Variants in CPXM2 observed in about 807,000 individuals in gnomAD.
The protein encoded by CPXM2 is carboxypeptidase X, M14 family member 2, also known as inactive carboxypeptidase-like protein X2.
In CPXM2, 66 loss-of-function variants were observed where a neutral mutation model predicts 86.1. The ratio of observed to expected loss-of-function variants is 0.77; its 90% confidence interval spans 0.63 to 0.94. CPXM2 has a LOEUF of 0.94. CPXM2 is among the 40% of genes least tolerant of loss of function. CPXM2 has a pLI of 0.00. For missense variants in CPXM2, 948 were observed against 1,026.3 expected, an observed-to-expected ratio of 0.92 and a Z score of 1.04; for synonymous variants, 388 against 400.2, an observed-to-expected ratio of 0.97 and a Z score of 0.36.
intron 4 of CPXM2, among the ~76,000 whole-genome samples, chr10:123,810,650 T>C (rs191864414): frequency 6.6e-6 from 1 of 152,246 alleles, no homozygotes; most frequent in African/African-American, 2.4e-5. Context: ...AAGATATTTA[T>C]GGAGGAAACT....
At chr10:123,768,034 C>T (rs560755895) in intron 9 of CPXM2, among the ~76,000 whole-genome samples, 26 of 152,324 alleles carry the variant, frequency 1.7e-4, no homozygotes, top group African/African-American at 6.0e-4. Flanking sequence ...TTCTCAATGC[C>T]TGCTTTGCAC....
At chr10:123,874,891 A>C (rs1309316107) in intron 2 of CPXM2, among the ~76,000 whole-genome samples, 1 of 152,180 alleles carries the variant, frequency 6.6e-6, no homozygotes, top group Non-Finnish European at 1.5e-5. Context: ...ATTTCATGCC[A>C]CCTATGGGTG....
chr10:123,856,327 G>A (rs1245866493), intron 3 of CPXM2, among the ~76,000 whole-genome samples: 1 of 152,182 alleles, frequency 6.6e-6, no homozygotes, highest in East Asian at 1.9e-4. Context: ...GCTTACTACT[G>A]CAATCTGTTT....
At chr10:123,786,376 A>C (rs1847055790) in intron 6 of CPXM2, among the ~76,000 whole-genome samples, 1 of 152,114 alleles carries the variant, frequency 6.6e-6, no homozygotes, top group South Asian at 2.1e-4. Context: ...TATGTGAGAG[A>C]GAGAATGAGA....
Position 123,768,520 on chromosome 10 carries a change from C to T in CPXM2, c.1299+6G>A. On this transcript the variant is annotated splice_donor_region_variant and intron_variant, in intron 9 of 13. Transcript: ENST00000241305. Reference sequence around the variant, plus strand: ...CCTATTGGGTGAGATGGGCCAGGGCCATTACCCCTTCGTAGGCCTTCTCGT... The same window carrying T: ...CCTATTGGGTGAGATGGGCCAGGGCTATTACCCCTTCGTAGGCCTTCTCGT... 2.5e-6 allele frequency: 4 copies of T among 1,609,680 alleles called. 1 individual carries two copies. In the South Asian group the frequency reaches 4.4e-5, roughly 18 times the overall value.
intron 6 of CPXM2, among the ~76,000 whole-genome samples, chr10:123,782,005 A>C (rs953394603): frequency 2.6e-5 from 4 of 152,222 alleles, no homozygotes; most frequent in Non-Finnish European, 5.9e-5. Context: ...TTTAATATTC[A>C]CAAACGGCTT....
rs1846916181 is a variant in CPXM2, at chr10:123,780,760, C to T, written c.890-505G>A. Among the ~76,000 whole-genome samples, 3 of 143,346 alleles carry T rather than the reference C, an allele frequency of 2.1e-5. No homozygotes were observed. The South Asian group carries it at 6.5e-4, about 31-fold the overall frequency. The allele number at this position is 143,346 out of a possible 152,430, so 94.0% of individuals were successfully genotyped here. On this transcript the variant is annotated intron_variant, in intron 6 of 13. Coordinates refer to ENST00000241305, the MANE Select transcript of CPXM2 (RefSeq NM_198148.3). ...CCCTTCCTTCCTTCCTTCCTTCCTTCCTAAAAAAGTCCTATGTTTGGGAAT... is the reference window on the plus strand; with the variant it reads ...CCCTTCCTTCCTTCCTTCCTTCCTTTCTAAAAAAGTCCTATGTTTGGGAAT...
chr10:123,836,543 G>C (rs1590051253), intron 4 of CPXM2, among the ~76,000 whole-genome samples: 1 of 152,152 alleles, frequency 6.6e-6, no homozygotes, highest in African/African-American at 2.4e-5. Context: ...CAAAAGAACA[G>C]TGACAATTCC....
chr10:123,865,619 G>A lies in CPXM2; in HGVS notation c.404-2896C>T, dbSNP rs116478153. Among the ~76,000 whole-genome samples the A allele has an allele frequency of 4.1e-3, 619 of 152,316 alleles. 3 individuals are homozygous for A. Among genetic ancestry groups the A allele is most frequent in the African/African-American group, 0.014 (591 of 41,566 alleles). On this transcript the variant is annotated intron_variant, in intron 2 of 13. Coordinates refer to ENST00000241305, the MANE Select transcript of CPXM2 (RefSeq NM_198148.3). The surrounding 1 kb of genome is among the most constrained non-coding windows in gnomAD (Gnocchi z 4.7). ...TCACGCATGCCTCCAGAGAGGGCCT[G>A]ACTCACCTGGTCCCCTGGCTGCCCA... is the stretch of plus-strand genomic sequence containing the variant.
intron 3 of CPXM2, among the ~76,000 whole-genome samples, chr10:123,849,470 C>T (rs1458696155): frequency 3.7e-5 from 4 of 108,320 alleles, no homozygotes; most frequent in Admixed American, 2.4e-4. Flanking sequence ...GATGGAGTTT[C>T]GCTCTTGTTG....
upstream of CPXM2, among the ~76,000 whole-genome samples, chr10:123,941,807 C>T (rs1333275601): frequency 6.6e-6 from 1 of 152,172 alleles, no homozygotes; most frequent in Non-Finnish European, 1.5e-5. Context: ...CTGGTTCTCT[C>T]GTTCACCTTG....
chr10:123,915,384 C>A (rs1026156198), intron 2 of CPXM2, among the ~76,000 whole-genome samples: 2 of 152,090 alleles, frequency 1.3e-5, no homozygotes, highest in African/African-American at 4.8e-5. Context: ...ATGGCGAAAC[C>A]CTATCGCTAC....
At position 123,745,642 on chromosome 10, in the gene CPXM2, C is replaced by A. The variant is rs543965121; in HGVS notation, c.*1122G>T. The stretch of plus-strand genomic sequence containing the variant: ...GAAAAGTCACACACACCAGAAGGGT[C>A]TTACCATTTGCTTTATTTTTTTTTT... On this transcript the variant is annotated 3_prime_UTR_variant, in exon 14 of 14. Coordinates refer to ENST00000241305, the MANE Select transcript of CPXM2 (RefSeq NM_198148.3). 2 of 151,586 alleles carry A rather than the reference C, an allele frequency of 1.3e-5. No individual in the cohort carries two copies. Among genetic ancestry groups the A allele is most frequent in the Non-Finnish European group, 2.9e-5 (2 of 67,912 alleles). The allele number at this position is 151,586 out of a possible 1,614,324, so 9.4% of individuals were successfully genotyped here. A position where few individuals can be genotyped will look rare whatever the true frequency, so the allele number is the denominator to read the frequency against.
intron 2 of CPXM2, among the ~76,000 whole-genome samples, chr10:123,900,229 A>G (rs1945370131): frequency 6.6e-6 from 1 of 152,268 alleles, no homozygotes; most frequent in South Asian, 2.1e-4. Context: ...TTTAGTAGGG[A>G]AGGGGTTTCA....
rs1286103440 is a variant in CPXM2 at position 123,865,726 on chromosome 10, A to T, written c.404-3003T>A. On this transcript the variant is annotated intron_variant, in intron 2 of 13. Coordinates refer to ENST00000241305, the MANE Select transcript of CPXM2 (RefSeq NM_198148.3). The surrounding 1 kb of genome is among the most constrained non-coding windows in gnomAD (Gnocchi z 4.7). Reference sequence around the variant, plus strand: ...GGGCACGGGACGGGCACCTGCAGCTACTGCCCAGAGCTGAGGGTGAACACA... The same window carrying T: ...GGGCACGGGACGGGCACCTGCAGCTTCTGCCCAGAGCTGAGGGTGAACACA... Among the ~76,000 whole-genome samples the T allele has an allele frequency of 6.6e-6, 1 of 152,140 alleles. No individual in the cohort carries two copies. The highest frequency in any genetic ancestry group is 1.5e-5 in the Non-Finnish European group (1 of 68,014).
rs969526668 is a variant in CPXM2 at position 123,752,648 on chromosome 10, G to A, written c.2017+2015C>T. 34 of 983,902 alleles carry A rather than the reference G, an allele frequency of 3.5e-5. No homozygotes were observed. In the South Asian group the frequency reaches 1.4e-3, roughly 41 times the overall value. The allele number at this position is 983,902 out of a possible 1,614,324, so 60.9% of individuals were successfully genotyped here. The stretch of plus-strand genomic sequence containing the variant: ...GACAGGATCATGGGAACAGTTTGCA[G>A]AGAAGGAGCCTCTCCTCCCTGTTCA... On this transcript the variant is annotated intron_variant, in intron 13 of 13. Transcript: ENST00000241305.
At chr10:123,753,009 A>G (rs949065793) in intron 13 of CPXM2, among the ~76,000 whole-genome samples, 1 of 152,170 alleles carries the variant, frequency 6.6e-6, no homozygotes, top group African/African-American at 2.4e-5. Context: ...AAGTTGGGGC[A>G]GGTAAGAGGG....
At chr10:123,910,157 C>T (rs1945476274) in intron 2 of CPXM2, among the ~76,000 whole-genome samples, 1 of 152,200 alleles carries the variant, frequency 6.6e-6, no homozygotes, top group Non-Finnish European at 1.5e-5. Flanking sequence ...GCTGGCCCAC[C>T]TGCACATTCG....
chr10:123,852,204 C>T (rs773226501), intron 3 of CPXM2, among the ~76,000 whole-genome samples: 2 of 152,196 alleles, frequency 1.3e-5, no homozygotes, highest in Non-Finnish European at 2.9e-5. Flanking sequence ...CTGCTCCTCT[C>T]CTTCCCAGGA....
Sources: gnomAD v4.1 joint callset for allele counts (sites outside exome capture counted in the v4.1 genomes callset) on GRCh38, gnomAD v4.1.1 for gene constraint, Gnocchi (gnomAD v3.1) non-coding constraint, MANE v1.5 for transcripts, NCBI Gene and HGNC (gene_info 2026-07-23, HGNC 2026-07-21) for gene names.